The following MCTP1 variants were observed in gnomAD, a reference collection of about 807,000 sequenced individuals.
The protein encoded by MCTP1 is multiple C2 and transmembrane domain containing 1.
Under a neutral mutation model 120.6 loss-of-function variants are expected in MCTP1, and 69 were observed. That is an observed-to-expected ratio of 0.57 (90% CI 0.47 to 0.70). The LOEUF (loss-of-function observed/expected upper bound fraction) is 0.70. Ranked by LOEUF, MCTP1 falls within the 30% of genes least tolerant of loss-of-function variation. MCTP1 has a pLI of 0.00. For missense variants in MCTP1, 1,203 were observed against 1,248.8 expected (o/e 0.96, Z 0.55); for synonymous variants, 529 against 493.1 (o/e 1.07, Z -0.96).
chr5:95,261,324 C>A (rs371415085), intron 1 of MCTP1, among the ~76,000 whole-genome samples: 3 of 152,074 alleles, frequency 2.0e-5, no homozygotes, highest in African/African-American at 7.2e-5. Context: ...ATGCAGTGGG[C>A]GCTTTATAAT....
intron 19 of MCTP1, among the ~76,000 whole-genome samples, chr5:94,760,789 G>A (rs1216672046): frequency 6.6e-6 from 1 of 151,826 alleles, no homozygotes; most frequent in African/African-American, 2.4e-5. Context: ...AGGCTCAAGT[G>A]ATCCTCCTGC....
Position 95,038,496 on chromosome 5 carries a change from G to T in MCTP1, c.721-21012C>A, listed in dbSNP as rs139330197. On this transcript the variant is annotated intron_variant, in intron 1 of 22. Transcript: ENST00000515393. ...GTGTAGATGCTCCTCCTCAAGGAGAGAGAGCACCACTCCCCATCCTCAAGT... is the reference window on the plus strand; with the variant it reads ...GTGTAGATGCTCCTCCTCAAGGAGATAGAGCACCACTCCCCATCCTCAAGT... 3.1e-3 allele frequency among the ~76,000 whole-genome samples: 462 copies of T among 151,358 alleles called. 2 individuals carry two copies. The highest frequency in any genetic ancestry group is 0.011 in the African/African-American group (436 of 41,170).
At chr5:95,060,873 G>A (rs1449177932) in intron 1 of MCTP1, among the ~76,000 whole-genome samples, 1 of 150,822 alleles carries the variant, frequency 6.6e-6, no homozygotes, top group Non-Finnish European at 1.5e-5. Flanking sequence ...TCAGGAGGCT[G>A]AGGCAGGAGA....
At chr5:94,850,834 G>A (rs1397781806) in intron 17 of MCTP1, among the ~76,000 whole-genome samples, 3 of 152,078 alleles carry the variant, frequency 2.0e-5, no homozygotes, top group South Asian at 4.1e-4. Context: ...TTTTGGTAGA[G>A]TGATCAATCA....
chr5:95,054,472 C>A (rs1459745303), intron 1 of MCTP1, among the ~76,000 whole-genome samples: 1 of 152,204 alleles, frequency 6.6e-6, no homozygotes, highest in African/African-American at 2.4e-5. Context: ...CTCTCCAGTT[C>A]TGAGATGTCT....
rs74665342 is a variant in MCTP1, at chr5:95,129,363, G to A, written c.721-111879C>T. Among the ~76,000 whole-genome samples the A allele has an allele frequency of 1.9e-3, 293 of 152,298 alleles. 5 individuals are homozygous for A. In the East Asian group the frequency reaches 0.048, roughly 25 times the overall value. On this transcript the variant is annotated intron_variant, in intron 1 of 22. Transcript: ENST00000515393. Reference sequence around the variant, plus strand: ...TGTGTTCTCCTAGATGGTTCATCACGCTTGGTCTTCATTTAGCCTCTGTCA... The same window carrying A: ...TGTGTTCTCCTAGATGGTTCATCACACTTGGTCTTCATTTAGCCTCTGTCA...
At chr5:95,234,042 C>T (rs1755263919) in intron 1 of MCTP1, among the ~76,000 whole-genome samples, 1 of 151,202 alleles carries the variant, frequency 6.6e-6, no homozygotes, top group Non-Finnish European at 1.5e-5. Flanking sequence ...AGAGAAGACA[C>T]AAATTTCTAA....
chr5:94,866,192 C>T (rs867739847), intron 17 of MCTP1, among the ~76,000 whole-genome samples: 1 of 151,812 alleles, frequency 6.6e-6, no homozygotes, highest in Admixed American at 6.6e-5. Flanking sequence ...TTCAGATTAA[C>T]TGATTGGTTC....
intron 1 of MCTP1, among the ~76,000 whole-genome samples, chr5:95,277,814 A>G (rs1445013363): frequency 2.0e-5 from 3 of 152,238 alleles, no homozygotes; most frequent in Non-Finnish European, 4.4e-5. Flanking sequence ...GCTAGGACCC[A>G]AGAGAACAGG....
chr5:95,025,042 G>T (rs183928919), intron 1 of MCTP1, among the ~76,000 whole-genome samples: 2 of 152,048 alleles, frequency 1.3e-5, no homozygotes, highest in Non-Finnish European at 2.9e-5. Context: ...TTTCAATGAC[G>T]TTATTCACAG....
intron 2 of MCTP1, among the ~76,000 whole-genome samples, chr5:94,956,032 G>A (rs1822521074): frequency 6.6e-6 from 1 of 152,220 alleles, no homozygotes; most frequent in South Asian, 2.1e-4. Context: ...GCTGGTATCT[G>A]GTGGGTGCCC....
chr5:94,950,562 A>G (rs1230897297), intron 3 of MCTP1, among the ~76,000 whole-genome samples: 3 of 152,286 alleles, frequency 2.0e-5, no homozygotes, highest in Middle Eastern at 3.4e-3. Context: ...GAGTATATGT[A>G]TAGATACATA....
chr5:95,096,958 T>A (rs530323084), intron 1 of MCTP1, among the ~76,000 whole-genome samples: 3 of 152,196 alleles, frequency 2.0e-5, no homozygotes, highest in Non-Finnish European at 4.4e-5. Flanking sequence ...GATTCCATTA[T>A]GTCTTTGCAT....
chr5:95,168,412 G>GT (rs1274751707), intron 1 of MCTP1, among the ~76,000 whole-genome samples: 1 of 152,130 alleles, frequency 6.6e-6, no homozygotes, highest in African/African-American at 2.4e-5. Context: ...CTTTAAAGTA[G>GT]TTTTTTCCAA....
At chr5:95,187,563 C>A (rs764008236) in intron 1 of MCTP1, among the ~76,000 whole-genome samples, 1 of 151,886 alleles carries the variant, frequency 6.6e-6, no homozygotes, top group Non-Finnish European at 1.5e-5. Flanking sequence ...CCACGCCCGG[C>A]TAATTGTTTG....
intron 17 of MCTP1, among the ~76,000 whole-genome samples, chr5:94,842,759 C>G (rs1431816223): frequency 1.3e-5 from 2 of 152,114 alleles, no homozygotes; most frequent in African/African-American, 4.8e-5. Context: ...TTTTAGCAAC[C>G]TGCTTTTTAT....
intron 2 of MCTP1, among the ~76,000 whole-genome samples, chr5:95,015,411 A>C (rs1365563858): frequency 6.6e-6 from 1 of 152,060 alleles, no homozygotes; most frequent in African/African-American, 2.4e-5. Flanking sequence ...AAGACTTTAA[A>C]TTAATTAAGA....
At chr5:94,970,838 G>A (rs908965521) in intron 2 of MCTP1, among the ~76,000 whole-genome samples, 6 of 148,382 alleles carry the variant, frequency 4.0e-5, no homozygotes, top group African/African-American at 1.2e-4. Flanking sequence ...AAAGTATTAC[G>A]CCTCTTCAAT....
chr5:94,804,467 G>C (rs1434363238), intron 17 of MCTP1, among the ~76,000 whole-genome samples: 1 of 152,026 alleles, frequency 6.6e-6, no homozygotes, highest in East Asian at 1.9e-4. Context: ...TTGAGATGGA[G>C]TCTTGCTGTT....
Sources: allele counts gnomAD v4.1 joint callset (sites outside exome capture counted in the v4.1 genomes callset), GRCh38; gene constraint gnomAD v4.1.1; transcripts MANE v1.5; gene names NCBI Gene and HGNC (gene_info 2026-07-23, HGNC 2026-07-21).